The following NGEF variants were observed in gnomAD, a reference collection of about 807,000 sequenced individuals.
The protein encoded by NGEF is ephexin-1.
NGEF carries 31 observed loss-of-function variants against 80.9 expected under a neutral mutation model. That is an observed-to-expected ratio of 0.38 (90% confidence interval 0.29 to 0.52). The LOEUF is 0.52. NGEF is among the 20% of genes least tolerant of loss of function. NGEF has a pLI of 0.84. For missense variants in NGEF, 709 were observed against 926.2 expected, an observed-to-expected ratio of 0.77 and a Z score of 3.04; for synonymous variants, 371 against 370.2, an observed-to-expected ratio of 1.00 and a Z score of -0.03.
chr2:232,911,230 C>T (rs1692685834), intron 5 of NGEF, among the ~76,000 whole-genome samples: 1 of 152,170 alleles, frequency 6.6e-6, no homozygotes, highest in Non-Finnish European at 1.5e-5. Flanking sequence ...TCCAATGGTT[C>T]CAGCATCAAT....
intron 8 of NGEF, 146 bp from the exon 9 acceptor site, chr2:232,888,253 CATACATGCATGCACACAT>C (rs1448407885): frequency 5.0e-5 from 31 of 620,688 alleles, no homozygotes; most frequent in Non-Finnish European, 8.0e-5. Flanking sequence ...CACGCACACG[CATACATGCATGCACACAT>C]GCATACAGAC....
At chr2:232,918,798 T>G in intron 5 of NGEF, among the ~76,000 whole-genome samples, 1 of 152,032 alleles carries the variant, frequency 6.6e-6, no homozygotes, top group East Asian at 1.9e-4. Flanking sequence ...CCAGCTAACT[T>G]TTGTATTTTT....
intron 5 of NGEF, among the ~76,000 whole-genome samples, chr2:232,916,372 G>A (rs2344912): frequency 0.79 from 119,446 of 152,156 alleles, 47,226 homozygotes; most frequent in African/African-American, 0.84. Context: ...AAGAAGTAGC[G>A]GAGCTGAGAA....
chr2:232,909,666 A>G (rs1692651212), intron 5 of NGEF, among the ~76,000 whole-genome samples: 1 of 152,056 alleles, frequency 6.6e-6, no homozygotes, highest in Non-Finnish European at 1.5e-5. Context: ...TATAATCAGG[A>G]TGCTCAACAG....
intron 4 of NGEF, among the ~76,000 whole-genome samples, chr2:232,922,822 C>A (rs1187455783): frequency 6.6e-6 from 1 of 152,202 alleles, no homozygotes; most frequent in Admixed American, 6.5e-5. Context: ...GTAATCCCAG[C>A]ACTTTGGGAG....
intron 1 of NGEF, among the ~76,000 whole-genome samples, chr2:232,979,203 G>A (rs1016269645): frequency 4.6e-5 from 7 of 152,120 alleles, no homozygotes; most frequent in Non-Finnish European, 7.4e-5. Context: ...TTGACTTCTA[G>A]CTCTCAAATT....
chr2:232,944,303 G>A (rs143503358), intron 3 of NGEF, among the ~76,000 whole-genome samples: 4 of 152,084 alleles, frequency 2.6e-5, no homozygotes, highest in Non-Finnish European at 4.4e-5. Flanking sequence ...ACCCAGTGAC[G>A]CCACATCTAA....
At chr2:232,974,475 A>T in intron 2 of NGEF, 148 bp downstream of exon 2, 1 of 964,954 alleles carries the variant, frequency 1.0e-6, no homozygotes, top group South Asian at 1.7e-5. Context: ...TTCTTTAGAT[A>T]ATGGTTTTAA....
chr2:232,882,155 A>G (rs777250623), intron 13 of NGEF, 31 bp downstream of exon 13: 2 of 1,603,466 alleles, frequency 1.2e-6, no homozygotes, highest in South Asian at 1.1e-5. Flanking sequence ...CCCAAGGACA[A>G]ATGGCGCCCC....
intron 5 of NGEF, among the ~76,000 whole-genome samples, chr2:232,913,568 C>T (rs1692733056): frequency 6.6e-6 from 1 of 152,148 alleles, no homozygotes; most frequent in South Asian, 2.1e-4. Context: ...GAACAGTGTC[C>T]TTGACTGTAT....
intron 1 of NGEF, among the ~76,000 whole-genome samples, chr2:232,980,822 A>G (rs1305583351): frequency 2.6e-5 from 4 of 152,156 alleles, no homozygotes; most frequent in Non-Finnish European, 4.4e-5. Context: ...GCTAGTCCCT[A>G]GAGCCCCCTC....
At chr2:232,958,257 G>A (rs559200187) in intron 3 of NGEF, among the ~76,000 whole-genome samples, 3 of 152,188 alleles carry the variant, frequency 2.0e-5, no homozygotes, top group South Asian at 2.1e-4. Context: ...AAAGGCAGCC[G>A]GGCAGGAAAA....
intron 14 of NGEF, 124 bp downstream of exon 14, chr2:232,881,022 G>A (rs1691483984): frequency 5.4e-6 from 4 of 734,486 alleles, no homozygotes; most frequent in Non-Finnish European, 9.4e-6. Flanking sequence ...ATGTCTCAGG[G>A]AGCAAGAGAC....
chr2:232,936,700 A>G (rs1218298918), intron 3 of NGEF, among the ~76,000 whole-genome samples: 1 of 152,212 alleles, frequency 6.6e-6, no homozygotes, highest in Non-Finnish European at 1.5e-5. Flanking sequence ...AAGGGAGAAG[A>G]CCACTGGAAG....
chr2:232,888,429 C>T (rs1691771050), intron 8 of NGEF, among the ~76,000 whole-genome samples: 1 of 152,192 alleles, frequency 6.6e-6, no homozygotes, highest in Non-Finnish European at 1.5e-5. Context: ...CACGTGCATA[C>T]ATGCTCACAC....
chr2:232,884,598 CAGT>C (rs1163080221), intron 10 of NGEF, among the ~76,000 whole-genome samples: 1 of 152,182 alleles, frequency 6.6e-6, no homozygotes, highest in Non-Finnish European at 1.5e-5. Context: ...GCTGAGTTCA[CAGT>C]AGAGAGGAAA....
chr2:232,974,648 G>A lies in NGEF; in HGVS notation c.243C>T (p.Pro81=), dbSNP rs773760930. 5.6e-5 allele frequency: 90 copies of A among 1,614,072 alleles called. No individual in the cohort carries two copies. The Admixed American group carries it at 1.2e-3, about 21-fold the overall frequency. The change falls in exon 2 of 15, where the codon CCC becomes CCT. Residue 81 remains proline (P), a synonymous_variant. Coordinates refer to ENST00000264051, the MANE Select transcript of NGEF (RefSeq NM_019850.3). ...RKSKAKARDN[P]ERNASCLADS... is the part of the protein sequence containing the mutation. The stretch of plus-strand genomic sequence containing the variant: ...CTGCCAGGCAGCTGGCGTTCCGTTC[G>A]GGGTTGTCTCTGGCCTTGGCTTTGC...
intron 3 of NGEF, among the ~76,000 whole-genome samples, chr2:232,930,914 G>A (rs1275081539): frequency 6.6e-6 from 1 of 152,222 alleles, no homozygotes; most frequent in Non-Finnish European, 1.5e-5. Flanking sequence ...AAAGTCTGAA[G>A]TCCGAAGTCT....
At chr2:232,895,180 C>T (rs1411980673) in intron 5 of NGEF, among the ~76,000 whole-genome samples, 1 of 152,114 alleles carries the variant, frequency 6.6e-6, no homozygotes, top group African/African-American at 2.4e-5. Context: ...GAACACTTAC[C>T]ATACTGACAA....
Sources: allele counts gnomAD v4.1 joint callset (sites outside exome capture counted in the v4.1 genomes callset), GRCh38; gene constraint gnomAD v4.1.1; transcripts MANE v1.5; gene names NCBI Gene and HGNC (gene_info 2026-07-23, HGNC 2026-07-21).